ANGPTL3: variants seen among roughly 807,000 people sequenced by gnomAD.
ANGPTL3 encodes the protein angiopoietin-related protein 3.
ANGPTL3 carries 51 observed loss-of-function variants against 52.7 expected under a neutral mutation model. The ratio of observed to expected loss-of-function variants is 0.97; its 90% CI spans 0.77 to 1.22. ANGPTL3 has a LOEUF of 1.22. ANGPTL3 is among the 50% of genes most tolerant of loss of function. The pLI is 0.00. For missense variants in ANGPTL3, 506 were observed against 520.7 expected, an observed-to-expected ratio of 0.97 and a Z score of 0.27; for synonymous variants, 185 against 179.8, an observed-to-expected ratio of 1.03 and a Z score of -0.23.
rs145086916 is a variant in ANGPTL3, at chr1:62,604,159, G to C, written c.1122G>C (p.Pro374=). ...AITGNVPNAI[P]ENKDLVFSTW... ...CTGGCAATGTCCCCAATGCAATCCC[G>C]GAAAACAAAGATTTGGTGTTTTCTA... is the stretch of plus-strand genomic sequence containing the variant. The change falls in exon 6 of 7, where the codon CCG becomes CCC. Residue 374 remains proline, a synonymous_variant. Transcript: ENST00000371129. The C allele has an allele frequency of 1.2e-6, 2 of 1,613,092 alleles. No individual in the cohort carries two copies. Among genetic ancestry groups the C allele is most frequent in the Non-Finnish European group, 1.7e-6 (2 of 1,179,394 alleles).
Position 62,601,140 on chromosome 1 carries a change from C to T in ANGPTL3, c.665C>T (p.Ala222Val). The T allele has an allele frequency of 6.2e-7, 1 of 1,610,972 alleles. No homozygotes were observed. Among genetic ancestry groups the T allele is most frequent in the East Asian group, 2.2e-5 (1 of 44,730 alleles). ...ATTTCTCTATCTTCCAAGCCAAGAG[C>T]ACCAAGAACTACTCCCTTTCTTCAG... ...TEISLSSKPR[A>V]PRTTPFLQLN... Residue 222 changes from alanine (A) to valine (V), a missense_variant, in exon 3 of 7, where the codon GCA (alanine) becomes GTA (valine). Ala to Val is a moderately conservative substitution (Grantham distance 64). Coordinates refer to ENST00000371129, the MANE Select transcript of ANGPTL3 (RefSeq NM_014495.4).
intron 2 of ANGPTL3, 46 bp downstream of exon 2, chr1:62,598,852 G>C (rs779246554): frequency 8.7e-7 from 1 of 1,144,132 alleles, no homozygotes; most frequent in East Asian, 2.4e-5. Flanking sequence ...ACACAGGTCT[G>C]TAAAAACACT....
chr1:62,600,491 C>T (rs1334156372), intron 2 of ANGPTL3, among the ~76,000 whole-genome samples: 1 of 151,666 alleles, frequency 6.6e-6, no homozygotes, highest in African/African-American at 2.4e-5. Context: ...ATGAGAAAAA[C>T]TATCATTCAA....
In ANGPTL3 at chr1:62,606,053, AT is replaced by A. The variant is rs1048563352; in HGVS notation, c.*1241del. 9 of 152,018 alleles carry A rather than the reference AT, an allele frequency of 5.9e-5. No individual in the cohort carries two copies. Among genetic ancestry groups the A allele is most frequent in the African/African-American group, 1.9e-4 (8 of 41,436 alleles). 9.4% of individuals were successfully genotyped at this position (152,018 alleles called of 1,614,324 possible). On this transcript the variant is annotated 3_prime_UTR_variant, in exon 7 of 7. Transcript: ENST00000371129. ...ATTATCCAATATACATGTCATATATATTTTTATATGTCACATATATAAAAGA... is the reference window on the plus strand; with the variant it reads ...ATTATCCAATATACATGTCATATATATTTTATATGTCACATATATAAAAGA...
At chr1:62,604,580 CAG>C (rs1418940924) in intron 6 of ANGPTL3, 51 bp from the exon 7 acceptor site, 2 of 1,536,246 alleles carry the variant, frequency 1.3e-6, no homozygotes, top group Admixed American at 1.7e-5. Flanking sequence ...AATACAGTAA[CAG>C]TAACTACATA....
chr1:62,601,669 A>C, intron 3 of ANGPTL3, 100 bp from the exon 4 acceptor site: 1 of 824,700 alleles, frequency 1.2e-6, no homozygotes, highest in Non-Finnish European at 2.0e-6. Context: ...AAAAAATGCT[A>C]CATTTGCCAC....
chr1:62,602,932 T>C (rs1169646990), intron 5 of ANGPTL3, among the ~76,000 whole-genome samples: 1 of 151,672 alleles, frequency 6.6e-6, no homozygotes, highest in Non-Finnish European at 1.5e-5. Context: ...ATAAGCAAGA[T>C]AAAATAACAG....
At chr1:62,604,561 T>C in intron 6 of ANGPTL3, 72 bp from the exon 7 acceptor site, 1 of 1,468,626 alleles carries the variant, frequency 6.8e-7, no homozygotes, top group Non-Finnish European at 9.5e-7. Context: ...GAAGATAAAC[T>C]TACGGGGAAA....
rs185472483 is a variant in ANGPTL3, at chr1:62,601,923, C to A, written c.835+41C>A. On this transcript the variant is annotated intron_variant, in intron 4 of 6. Coordinates refer to ENST00000371129, the MANE Select transcript of ANGPTL3 (RefSeq NM_014495.4). ...GGAGAATAGACAGTAGTTAGTTCAA[C>A]TTACTCATTACGTATTAGGAAGATT... The A allele has an allele frequency of 5.4e-4, 691 of 1,275,890 alleles. 1 individual carries two copies. Among genetic ancestry groups the A allele is most frequent in the Non-Finnish European group, 6.7e-4 (587 of 875,892 alleles). The allele number at this position is 1,275,890 out of a possible 1,614,324, so 79.0% of individuals were successfully genotyped here. A position where few individuals can be genotyped will look rare whatever the true frequency, so the allele number is the denominator to read the frequency against.
chr1:62,599,845 G>GTTTTCT (rs749767511), intron 2 of ANGPTL3, among the ~76,000 whole-genome samples: 2,132 of 151,900 alleles, frequency 0.014, 29 homozygotes, highest in Non-Finnish European at 0.024. Context: ...CACTTGTTTA[G>GTTTTCT]AAAAAAGCTA....
rs760130286 is a variant in ANGPTL3, at chr1:62,601,787, C to T, written c.740C>T (p.Thr247Ile). The T allele has an allele frequency of 1.9e-6, 3 of 1,608,358 alleles. No individual in the cohort carries two copies. In the South Asian group the frequency reaches 3.3e-5, roughly 18 times the overall value. ...ATTCTAGGCATTCCTGCTGAATGTA[C>T]CACCATTTATAACAGAGGTGAACAT... ...VKHDGIPAEC[T>I]TIYNRGEHTS... Residue 247 changes from threonine (T) to isoleucine (I), a missense_variant, in exon 4 of 7, where the codon ACC becomes ATC. Transcript: ENST00000371129.
intron 4 of ANGPTL3, 150 bp from the exon 5 acceptor site, chr1:62,602,135 G>T: frequency 1.4e-6 from 1 of 694,330 alleles, no homozygotes; most frequent in Non-Finnish European, 2.4e-6. Flanking sequence ...CTTAACTTTT[G>T]GGACCATAAT....
intron 5 of ANGPTL3, among the ~76,000 whole-genome samples, chr1:62,602,722 C>A (rs777175781): frequency 4.6e-5 from 7 of 151,406 alleles, no homozygotes; most frequent in Non-Finnish European, 7.4e-5. Flanking sequence ...GTGAAAAGAA[C>A]CACTCCTAGC....
At position 62,604,142 on chromosome 1, in the gene ANGPTL3, G is replaced by A. The variant is rs1005269729; in HGVS notation, c.1105G>A (p.Val369Ile). ...TLHLVAITGN[V>I]PNAIPENKDL... is the part of the protein sequence containing the mutation. ...ACATCTAGTTGCGATTACTGGCAAT[G>A]TCCCCAATGCAATCCCGGAAAACAA... Residue 369 changes from valine (V) to isoleucine (I), a missense_variant, in exon 6 of 7, where the codon GTC (valine) becomes ATC (isoleucine). By Grantham distance (29) the Val-to-Ile change is conservative. Transcript: ENST00000371129. The A allele has an allele frequency of 5.0e-6, 8 of 1,613,360 alleles. No homozygotes were observed. The South Asian group carries it at 7.7e-5, about 16-fold the overall frequency.
rs1301673222 is a variant in ANGPTL3 at position 62,605,097 on chromosome 1, A to C, written c.*280A>C. On this transcript the variant is annotated 3_prime_UTR_variant, in exon 7 of 7. Coordinates refer to ENST00000371129, the MANE Select transcript of ANGPTL3 (RefSeq NM_014495.4). ...AATCTAGATTATAATCAATAGGTGA[A>C]CTTATTAAATAACTTTTCTAAATAA... The C allele has an allele frequency of 3.6e-6, 1 of 278,454 alleles. No individual in the cohort carries two copies. The highest frequency in any genetic ancestry group is 6.8e-6 in the Non-Finnish European group (1 of 147,346). The allele number at this position is 278,454 out of a possible 1,614,324, so 17.2% of individuals were successfully genotyped here. A position where few individuals can be genotyped will look rare whatever the true frequency, so the allele number is the denominator to read the frequency against.
chr1:62,599,140 T>C (rs1450295860), intron 2 of ANGPTL3, among the ~76,000 whole-genome samples: 2 of 152,142 alleles, frequency 1.3e-5, no homozygotes, highest in East Asian at 3.8e-4. Context: ...AATTAGATCA[T>C]GTTTCTCTTT....
rs903062099 is a variant in ANGPTL3, at chr1:62,605,663, C to T, written c.*846C>T. 5.9e-5 allele frequency: 9 copies of T among 152,336 alleles called. No individual in the cohort carries two copies. Among genetic ancestry groups the T allele is most frequent in the African/African-American group, 2.2e-4 (9 of 41,394 alleles). 9.4% of individuals were successfully genotyped at this position (152,336 alleles called of 1,614,324 possible). On this transcript the variant is annotated 3_prime_UTR_variant, in exon 7 of 7. Transcript: ENST00000371129. ...TATTTCCCCTAAATATGCTGTGATT[C>T]TAATACATTCGTGTAGGTTTTCAAG... is the stretch of plus-strand genomic sequence containing the variant.
chr1:62,598,664 C>A, intron 1 of ANGPTL3, 32 bp from the exon 2 acceptor site: 1 of 1,224,180 alleles, frequency 8.2e-7, no homozygotes, highest in Non-Finnish European at 1.2e-6. Context: ...AAGAGGAAAG[C>A]AACTTATAAC....
chr1:62,602,507 T>C lies in ANGPTL3; in HGVS notation c.931+127T>C, dbSNP rs866230952. ...AAGCAGTCTCAGCCTTCATATAATT[T>C]ATTATCAAACAATTACACATTTGTT... On this transcript the variant is annotated intron_variant, in intron 5 of 6. Transcript: ENST00000371129. 9.1e-6 allele frequency: 7 copies of C among 772,860 alleles called. No homozygotes were observed. The Middle Eastern group carries it at 1.3e-3, about 148-fold the overall frequency. 47.9% of individuals were successfully genotyped at this position (772,860 alleles called of 1,614,324 possible). A position where few individuals can be genotyped will look rare whatever the true frequency, so the allele number is the denominator to read the frequency against.
Sources: gnomAD v4.1 joint callset for allele counts (sites outside exome capture counted in the v4.1 genomes callset) on GRCh38, gnomAD v4.1.1 for gene constraint, MANE v1.5 for transcripts, NCBI Gene and HGNC (gene_info 2026-07-23, HGNC 2026-07-21) for gene names.